Variants in CFAP47 observed in about 807,000 individuals in gnomAD.
The protein encoded by CFAP47 is cilia and flagella associated protein 47, also known as cilia- and flagella-associated protein 47.
CFAP47 carries 29 observed loss-of-function variants against 148.1 expected under a neutral mutation model. The observed-to-expected ratio is 0.20, with a 90% CI of 0.15 to 0.27. The LOEUF (loss-of-function observed/expected upper bound fraction) is 0.27, where lower values mean the gene tolerates loss of function less well. Among genes scored for constraint, CFAP47 ranks in the 10% least tolerant of loss-of-function variants. CFAP47 has a pLI of 1.00. For synonymous variants in CFAP47, 664 were observed against 577.3 expected (o/e 1.15, Z -2.15); for missense variants, 1,872 against 1,697.5 (o/e 1.10, Z -1.81).
intron 62 of CFAP47, among the ~76,000 whole-genome samples, chrX:36,373,561 T>G (rs1203779728): frequency 9.0e-6 from 1 of 111,428 alleles, no homozygotes; most frequent in Admixed American, 9.6e-5. Context: ...TTTGGGTGCC[T>G]TTTATTTCTT....
chrX:36,083,351 T>C (rs1335882411), intron 29 of CFAP47, among the ~76,000 whole-genome samples: 1 of 110,519 alleles, frequency 9.0e-6, no homozygotes, highest in African/African-American at 3.3e-5. Context: ...TATGTATGTA[T>C]ATATATGCAC....
In CFAP47 at chrX:36,243,902, G is replaced by C. The variant is rs1366649563; in HGVS notation, c.7332+7043G>C. 3.7e-5 allele frequency among the ~76,000 whole-genome samples: 4 copies of C among 108,410 alleles called. No homozygotes were observed. In the East Asian group the frequency reaches 1.2e-3, roughly 31 times the overall value. 94.1% of individuals were successfully genotyped at this position (108,410 alleles called of 115,157 possible). A position where few individuals can be genotyped will look rare whatever the true frequency, so the allele number is the denominator to read the frequency against. ...TGGACCTAATAGAAAGCTATACAAT[G>C]GTCCACCAAACAATCACAGAAAATA... On this transcript the variant is annotated intron_variant, in intron 48 of 63. Coordinates refer to ENST00000378653, the MANE Select transcript of CFAP47 (RefSeq NM_001304548.2).
chrX:35,926,915 C>T lies in CFAP47; in HGVS notation c.401+747C>T, dbSNP rs184627646. Among the ~76,000 whole-genome samples the T allele has an allele frequency of 7.2e-4, 79 of 109,929 alleles. 1 individual carries two copies. The East Asian group carries it at 0.015, about 22-fold the overall frequency. On this transcript the variant is annotated intron_variant, in intron 2 of 63. Transcript: ENST00000378653. ...CACGTAGCACTTTGGGAGGCCAAGG[C>T]GGGTGGATCACTTGAGCTCAGGAGT...
At chrX:36,246,624 A>C (rs1940618548) in intron 48 of CFAP47, among the ~76,000 whole-genome samples, 1 of 111,524 alleles carries the variant, frequency 9.0e-6, no homozygotes, top group Admixed American at 9.5e-5. Flanking sequence ...CTCGTGATCC[A>C]GTTATCTCCA....
chrX:36,376,930 C>T (rs1396160023), intron 62 of CFAP47, among the ~76,000 whole-genome samples: 1 of 110,046 alleles, frequency 9.1e-6, no homozygotes, highest in Admixed American at 9.7e-5. Context: ...TAGCTTCATC[C>T]GTGTCCCTAC....
chrX:36,184,409 T>C (rs1350091828), intron 40 of CFAP47, among the ~76,000 whole-genome samples: 5 of 110,864 alleles, frequency 4.5e-5, no homozygotes, highest in Admixed American at 1.9e-4. Flanking sequence ...AGGGCCAATA[T>C]AGAAGCATAG....
At chrX:35,981,974 C>T (rs1364227383) in intron 15 of CFAP47, among the ~76,000 whole-genome samples, 1 of 111,400 alleles carries the variant, frequency 9.0e-6, no homozygotes, top group East Asian at 2.8e-4. Flanking sequence ...TTAATAGTGA[C>T]AGACACATGC....
chrX:36,266,352 G>A (rs782517715), intron 49 of CFAP47, among the ~76,000 whole-genome samples: 1 of 111,134 alleles, frequency 9.0e-6, no homozygotes, highest in South Asian at 3.9e-4. Flanking sequence ...CAGCAAGGGT[G>A]ACACCAGAAG....
chrX:36,274,753 A>C (rs1940995325), intron 49 of CFAP47, among the ~76,000 whole-genome samples: 1 of 111,928 alleles, frequency 8.9e-6, no homozygotes, highest in Admixed American at 9.5e-5. Context: ...GGAATCCTTA[A>C]GGTTTTCTGT....
chrX:36,364,146 G>A (rs1324363437), intron 61 of CFAP47, among the ~76,000 whole-genome samples: 1 of 110,760 alleles, frequency 9.0e-6, no homozygotes, highest in Non-Finnish European at 1.9e-5. Context: ...GCATTGTTAT[G>A]AATCTACAGT....
At chrX:36,171,594 G>T (rs927426666) in intron 39 of CFAP47, among the ~76,000 whole-genome samples, 1 of 110,616 alleles carries the variant, frequency 9.0e-6, no homozygotes, top group Non-Finnish European at 1.9e-5. Context: ...GTTTGTCAAA[G>T]ATCAGATAGC....
Position 35,989,627 on chromosome X carries a change from T to C in CFAP47, c.2844+178T>C, listed in dbSNP as rs1400463344. ...TATGTAATATCATCATGGGAGCCAT[T>C]GAAATGAAATTATTTTATTAAGAGA... On this transcript the variant is annotated intron_variant, in intron 16 of 63. Transcript: ENST00000378653. The C allele has an allele frequency of 6.8e-6, 7 of 1,033,542 alleles. No homozygotes were observed. In the East Asian group the frequency reaches 2.3e-4, roughly 33 times the overall value. The allele number at this position is 1,033,542 out of a possible 1,213,427, so 85.2% of individuals were successfully genotyped here.
At chrX:36,110,378 C>G (rs1202049495) in intron 33 of CFAP47, among the ~76,000 whole-genome samples, 1 of 110,956 alleles carries the variant, frequency 9.0e-6, no homozygotes, top group Non-Finnish European at 1.9e-5. Flanking sequence ...GAGTCCTTTC[C>G]CCATTGCTTT....
intron 33 of CFAP47, among the ~76,000 whole-genome samples, chrX:36,129,750 A>C (rs745750768): frequency 9.0e-6 from 1 of 111,439 alleles, no homozygotes; most frequent in South Asian, 3.7e-4. Flanking sequence ...TTTTAACATA[A>C]ATGCCAGTCC....
At chrX:36,051,289 C>T (rs1190418389) in intron 26 of CFAP47, among the ~76,000 whole-genome samples, 1 of 111,552 alleles carries the variant, frequency 9.0e-6, no homozygotes, top group African/African-American at 3.3e-5. Flanking sequence ...TGACAGCTTG[C>T]ACCATGCACC....
intron 35 of CFAP47, among the ~76,000 whole-genome samples, chrX:36,139,229 T>C (rs1011653134): frequency 2.7e-5 from 3 of 111,684 alleles, no homozygotes; most frequent in Admixed American, 9.6e-5. Context: ...CAGAATTTAA[T>C]TGGCATCTGG....
At chrX:36,064,126 A>T (rs922471998) in intron 26 of CFAP47, among the ~76,000 whole-genome samples, 25 of 112,361 alleles carry the variant, frequency 2.2e-4, no homozygotes, top group African/African-American at 7.8e-4. Flanking sequence ...TATGTAAACT[A>T]TGTTATTTAA....
chrX:35,930,976 A>G (rs1019703872), intron 2 of CFAP47, among the ~76,000 whole-genome samples: 2 of 110,987 alleles, frequency 1.8e-5, no homozygotes, highest in African/African-American at 6.5e-5. Flanking sequence ...TTTGATTTGA[A>G]TTAATATTGC....
intron 15 of CFAP47, among the ~76,000 whole-genome samples, chrX:35,977,464 A>C (rs1320441432): frequency 1.8e-5 from 2 of 110,855 alleles, no homozygotes; most frequent in Non-Finnish European, 3.8e-5. Context: ...GTAATAACCT[A>C]TCCTGCACCT....
Sources: gnomAD v4.1 joint callset for allele counts (sites outside exome capture counted in the v4.1 genomes callset) on GRCh38, gnomAD v4.1.1 for gene constraint, MANE v1.5 for transcripts, NCBI Gene and HGNC (gene_info 2026-07-23, HGNC 2026-07-21) for gene names.